Variants in PARP15 observed in about 807,000 individuals in gnomAD.
PARP15 encodes poly(ADP-ribose) polymerase family member 15, also known as protein mono-ADP-ribosyltransferase PARP15.
Under a neutral mutation model 62.1 loss-of-function variants are expected in PARP15, and 50 were observed. That is an observed-to-expected ratio of 0.81 (90% CI 0.64 to 1.02). The LOEUF is 1.02. Among genes scored for constraint, PARP15 ranks in the 50% least tolerant of loss-of-function variants. PARP15 has a pLI of 0.00. For synonymous variants in PARP15, 309 were observed against 293.1 expected (o/e 1.05, Z -0.55); for missense variants, 820 against 826.5 (o/e 0.99, Z 0.10).
chr3:122,621,994 T>TC, intron 8 of PARP15, among the ~76,000 whole-genome samples: 1 of 152,150 alleles, frequency 6.6e-6, no homozygotes, highest in Non-Finnish European at 1.5e-5. Context: ...AGACAGCGTT[T>TC]CCCCATGTTG....
intron 1 of PARP15, among the ~76,000 whole-genome samples, chr3:122,584,463 TC>T (rs1395410703): frequency 2.0e-5 from 3 of 152,290 alleles, no homozygotes; most frequent in Middle Eastern, 3.4e-3. Flanking sequence ...CTTACCTTGT[TC>T]CTGACGTTAA....
intron 1 of PARP15, among the ~76,000 whole-genome samples, chr3:122,587,753 C>T (rs1031909756): frequency 2.6e-5 from 4 of 152,104 alleles, no homozygotes; most frequent in Admixed American, 2.0e-4. Flanking sequence ...GTCCTGGGCT[C>T]AAGAAATCCT....
At chr3:122,599,195 C>G (rs1216829615) in intron 1 of PARP15, among the ~76,000 whole-genome samples, 1 of 152,188 alleles carries the variant, frequency 6.6e-6, no homozygotes. Flanking sequence ...CACACCCAGC[C>G]TGTCCTTTAG....
intron 3 of PARP15, among the ~76,000 whole-genome samples, chr3:122,611,266 G>A (rs1476713428): frequency 6.6e-6 from 1 of 152,024 alleles, no homozygotes; most frequent in Non-Finnish European, 1.5e-5. Flanking sequence ...CAAATACATT[G>A]TGGAAAATAT....
chr3:122,615,922 G>C (rs1453289430), intron 5 of PARP15, 65 bp downstream of exon 5: 5 of 1,477,234 alleles, frequency 3.4e-6, no homozygotes, highest in Non-Finnish European at 4.7e-6. Flanking sequence ...AGTGGTAGTT[G>C]AAGTCCAGTA....
rs1321746208 is a variant in PARP15 at position 122,605,979 on chromosome 3, G to A, written c.230G>A (p.Arg77Lys). 6.4e-7 allele frequency: 1 copy of A among 1,551,734 alleles called. No homozygotes were observed. The highest frequency in any genetic ancestry group is 8.7e-7 in the Non-Finnish European group (1 of 1,146,946). Reference sequence around the variant, plus strand: ...AGCAAGAAAGATTGTCTTTCAATCAGGAATGTTGTAGCTTCAATCCAAACC... The same window carrying A: ...AGCAAGAAAGATTGTCTTTCAATCAAGAATGTTGTAGCTTCAATCCAAACC... ...KFSKKDCLSI[R>K]NVVASIQTKE... Residue 77 changes from arginine to lysine, a missense_variant, in exon 2 of 12, where the codon AGG becomes AAG. By Grantham distance (26) the Arg-to-Lys change is conservative. Coordinates refer to ENST00000464300, the MANE Select transcript of PARP15 (RefSeq NM_001113523.3).
chr3:122,630,627 C>T (rs1334098241), intron 9 of PARP15, among the ~76,000 whole-genome samples: 1 of 152,032 alleles, frequency 6.6e-6, no homozygotes, highest in African/African-American at 2.4e-5. Context: ...TGCAGTGATC[C>T]ATGATTGTGT....
intron 1 of PARP15, among the ~76,000 whole-genome samples, chr3:122,590,999 A>G (rs1933867450): frequency 6.6e-6 from 1 of 152,256 alleles, no homozygotes; most frequent in Non-Finnish European, 1.5e-5. Flanking sequence ...TTTGGTGAGT[A>G]AATCTGACTT....
intron 1 of PARP15, among the ~76,000 whole-genome samples, chr3:122,582,750 TC>T (rs1170279495): frequency 1.7e-5 from 2 of 117,468 alleles, no homozygotes; most frequent in East Asian, 6.4e-4. Context: ...AAATATTTTC[TC>T]CTGTACCTTC....
chr3:122,585,037 G>A (rs2107805150), intron 1 of PARP15, among the ~76,000 whole-genome samples: 1 of 152,170 alleles, frequency 6.6e-6, no homozygotes, highest in African/African-American at 2.4e-5. Flanking sequence ...TTCTTGATTT[G>A]CTTGACTTTT....
At chr3:122,626,580 C>T (rs762401273) in intron 8 of PARP15, among the ~76,000 whole-genome samples, 4 of 152,020 alleles carry the variant, frequency 2.6e-5, no homozygotes, top group Admixed American at 6.6e-5. Flanking sequence ...TTTTTGTCTG[C>T]GATAAGACAC....
At chr3:122,631,830 A>G (rs1937075264) in intron 9 of PARP15, among the ~76,000 whole-genome samples, 1 of 152,250 alleles carries the variant, frequency 6.6e-6, no homozygotes, top group Non-Finnish European at 1.5e-5. Context: ...TACAATTTCA[A>G]GCTACAGTGG....
At chr3:122,587,293 A>G (rs1296787984) in intron 1 of PARP15, among the ~76,000 whole-genome samples, 1 of 152,248 alleles carries the variant, frequency 6.6e-6, no homozygotes, top group African/African-American at 2.4e-5. Flanking sequence ...AAAGTTGTCA[A>G]GTCATTTGGG....
At chr3:122,602,542 C>G (rs1271549864) in intron 1 of PARP15, among the ~76,000 whole-genome samples, 2 of 152,148 alleles carry the variant, frequency 1.3e-5, no homozygotes, top group Non-Finnish European at 2.9e-5. Flanking sequence ...ATATGAATCC[C>G]AAACTCAGGC....
intron 1 of PARP15, among the ~76,000 whole-genome samples, chr3:122,593,613 A>G (rs1934118261): frequency 6.6e-6 from 1 of 152,236 alleles, no homozygotes; most frequent in Non-Finnish European, 1.5e-5. Context: ...ATATGCAAAT[A>G]TATAGATAAA....
Position 122,638,965 on chromosome 3 carries a change from T to G in PARP15, c.*2865T>G, listed in dbSNP as rs904269648. ...TATAAAGTTTTTAAAAATGTAATCA[T>G]CATTATTTATAGTTTAATAATCAGT... On this transcript the variant is annotated 3_prime_UTR_variant, in exon 12 of 12. Coordinates refer to ENST00000464300, the MANE Select transcript of PARP15 (RefSeq NM_001113523.3). 37 of 152,364 alleles carry G rather than the reference T, an allele frequency of 2.4e-4. No individual in the cohort carries two copies. Among genetic ancestry groups the G allele is most frequent in the African/African-American group, 8.7e-4 (36 of 41,588 alleles). The allele number at this position is 152,364 out of a possible 1,614,324, so 9.4% of individuals were successfully genotyped here.
intron 1 of PARP15, 138 bp downstream of exon 1, chr3:122,577,991 A>C: frequency 1.2e-6 from 1 of 802,744 alleles, no homozygotes; most frequent in Non-Finnish European, 1.8e-6. Context: ...GACTACACTG[A>C]CTTCCCTGTT....
chr3:122,631,275 C>T (rs1370394319), intron 9 of PARP15, among the ~76,000 whole-genome samples: 1 of 152,200 alleles, frequency 6.6e-6, no homozygotes, highest in East Asian at 1.9e-4. Flanking sequence ...AAAGAGCTTA[C>T]TGATTAGGGT....
chr3:122,593,330 C>A (rs987518044), intron 1 of PARP15, among the ~76,000 whole-genome samples: 31 of 151,952 alleles, frequency 2.0e-4, no homozygotes, highest in African/African-American at 7.3e-4. Context: ...TTAATAGAGA[C>A]GGGGTTTCAC....
Sources: allele counts gnomAD v4.1 joint callset (sites outside exome capture counted in the v4.1 genomes callset), GRCh38; gene constraint gnomAD v4.1.1; transcripts MANE v1.5; gene names NCBI Gene and HGNC (gene_info 2026-07-23, HGNC 2026-07-21).